CCDC171: variants seen among roughly 807,000 people sequenced by gnomAD.
CCDC171 encodes coiled-coil domain containing 171.
In CCDC171, 177 loss-of-function variants were observed where a neutral mutation model predicts 168.2. The observed-to-expected ratio is 1.05, with a 90% CI of 0.93 to 1.19. CCDC171 has a LOEUF of 1.19. Among genes scored for constraint, CCDC171 ranks in the 50% most tolerant of loss-of-function variants. The pLI, the probability that CCDC171 is intolerant of heterozygous loss-of-function variation, is 0.00. For missense variants in CCDC171, 1,991 were observed against 1,539.0 expected, an observed-to-expected ratio of 1.29 and a Z score of -4.91; for synonymous variants, 687 against 540.8, an observed-to-expected ratio of 1.27 and a Z score of -3.75.
At chr9:15,648,352 C>G (rs1423607388) in intron 7 of CCDC171, among the ~76,000 whole-genome samples, 1 of 152,186 alleles carries the variant, frequency 6.6e-6, no homozygotes, top group Non-Finnish European at 1.5e-5. Flanking sequence ...CAGGGATGCC[C>G]TCTCTCACCA....
chr9:15,810,592 G>C (rs1366427979), intron 21 of CCDC171, among the ~76,000 whole-genome samples: 2 of 152,298 alleles, frequency 1.3e-5, no homozygotes, highest in South Asian at 4.1e-4. Context: ...GCACGGTGCG[G>C]GCGGGCCGGC....
intron 6 of CCDC171, among the ~76,000 whole-genome samples, chr9:15,620,408 G>A (rs1226855774): frequency 1.3e-5 from 2 of 152,098 alleles, no homozygotes; most frequent in South Asian, 4.2e-4. Flanking sequence ...TTGGGGGTGG[G>A]GGCAGGTTTA....
intron 6 of CCDC171, among the ~76,000 whole-genome samples, chr9:15,605,326 G>C (rs2043139228): frequency 6.6e-6 from 1 of 151,788 alleles, no homozygotes; most frequent in South Asian, 2.1e-4. Context: ...CTATGTACTG[G>C]TATCCTATTA....
chr9:15,802,204 CTTTA>C lies in CCDC171; in HGVS notation c.3267+17526_3267+17529del, dbSNP rs986147980. Among the ~76,000 whole-genome samples the C allele has an allele frequency of 1.3e-4, 20 of 151,460 alleles. No homozygotes were observed. In the East Asian group the frequency reaches 3.9e-3, roughly 29 times the overall value. ...TTTTTCCTACTGAGGGTTTATTGAG[CTTTA>C]TTTATTTATTTATTTTTAAATTTAT... is the stretch of plus-strand genomic sequence containing the variant. On this transcript the variant is annotated intron_variant, in intron 21 of 25. Transcript: ENST00000380701.
Position 15,744,259 on chromosome 9 carries a change from G to A in CCDC171, c.2050-14G>A, listed in dbSNP as rs762342134. 1 of 1,553,000 alleles carries A rather than the reference G, an allele frequency of 6.4e-7. No homozygotes were observed. The highest frequency in any genetic ancestry group is 1.4e-5 in the African/African-American group (1 of 72,308). ...TGTTTCATGATCAAATATATTTTTT[G>A]ACTTCTTCCATAGAAATTTCAAGAA... On this transcript the variant is annotated splice_polypyrimidine_tract_variant and intron_variant, in intron 16 of 25. Coordinates refer to ENST00000380701, the MANE Select transcript of CCDC171 (RefSeq NM_173550.4).
At chr9:15,851,204 C>T (rs528116906) in intron 23 of CCDC171, among the ~76,000 whole-genome samples, 144 of 151,964 alleles carry the variant, frequency 9.5e-4, no homozygotes, top group African/African-American at 3.4e-3. Context: ...TTCAACTTTT[C>T]AAATACTACA....
intron 1 of CCDC171, among the ~76,000 whole-genome samples, chr9:16,054,481 C>G (rs999208386): frequency 6.6e-6 from 1 of 151,968 alleles, no homozygotes; most frequent in Non-Finnish European, 1.5e-5. Context: ...ATAGCGAGTC[C>G]CATAAGCACC....
intron 6 of CCDC171, among the ~76,000 whole-genome samples, chr9:15,602,139 C>T (rs1260150500): frequency 6.6e-6 from 1 of 152,062 alleles, no homozygotes; most frequent in Non-Finnish European, 1.5e-5. Context: ...AACTCTGTTT[C>T]TCAATTTCTT....
intron 7 of CCDC171, among the ~76,000 whole-genome samples, chr9:15,630,179 A>G (rs1426462727): frequency 1.3e-5 from 2 of 152,216 alleles, no homozygotes; most frequent in East Asian, 3.9e-4. Flanking sequence ...ACATAACAAT[A>G]TTAACTTTAA....
chr9:15,609,178 C>T (rs1464907915), intron 6 of CCDC171, among the ~76,000 whole-genome samples: 1 of 151,668 alleles, frequency 6.6e-6, no homozygotes, highest in African/African-American at 2.4e-5. Flanking sequence ...TGGCTCACTG[C>T]AACCTCCGCC....
chr9:15,969,617 A>G (rs1831149176), intron 25 of CCDC171, among the ~76,000 whole-genome samples: 1 of 152,198 alleles, frequency 6.6e-6, no homozygotes. Flanking sequence ...AGATGTATCA[A>G]AACAAACTTT....
chr9:15,959,052 CAG>C (rs541335184), intron 25 of CCDC171, among the ~76,000 whole-genome samples: 9 of 152,120 alleles, frequency 5.9e-5, no homozygotes, highest in South Asian at 2.1e-4. Flanking sequence ...AAGTTTGAAA[CAG>C]GGGGCTTGGA....
At chr9:15,743,332 A>G (rs2055026633) in intron 16 of CCDC171, among the ~76,000 whole-genome samples, 1 of 150,904 alleles carries the variant, frequency 6.6e-6, no homozygotes, top group South Asian at 2.1e-4. Context: ...TTCCTGTCTT[A>G]ATTTTTTTTA....
intron 7 of CCDC171, among the ~76,000 whole-genome samples, chr9:15,656,397 G>T (rs192496567): frequency 1.8e-4 from 28 of 151,594 alleles, no homozygotes; most frequent in Non-Finnish European, 3.2e-4. Flanking sequence ...TTACCCCAGA[G>T]AAATGAAAGT....
chr9:15,877,899 C>T lies in CCDC171; in HGVS notation c.3600+3236C>T, dbSNP rs1427223084. On this transcript the variant is annotated intron_variant, in intron 24 of 25. Transcript: ENST00000380701. ...GGCATCCAGTAAATATTTGTGTTTT[C>T]ATTTCGATTCAGTAGTAAACAATAA... Among the ~76,000 whole-genome samples, 4 of 152,146 alleles carry T rather than the reference C, an allele frequency of 2.6e-5. No homozygotes were observed. The East Asian group carries it at 7.7e-4, about 29-fold the overall frequency.
intron 7 of CCDC171, among the ~76,000 whole-genome samples, chr9:15,633,363 G>T (rs967440445): frequency 6.6e-6 from 1 of 152,058 alleles, no homozygotes; most frequent in African/African-American, 2.4e-5. Flanking sequence ...CGGGGCAAAG[G>T]ACATGAACAG....
At chr9:15,986,241 G>A (rs943979552) in intron 3 of CCDC171, among the ~76,000 whole-genome samples, 4 of 152,210 alleles carry the variant, frequency 2.6e-5, no homozygotes, top group African/African-American at 4.8e-5. Flanking sequence ...TGACCAATAT[G>A]TATTACGTTG....
chr9:15,629,730 T>G (rs1430591518), intron 7 of CCDC171, among the ~76,000 whole-genome samples: 1 of 152,132 alleles, frequency 6.6e-6, no homozygotes, highest in Non-Finnish European at 1.5e-5. Context: ...AATTGTCAGA[T>G]TCACCAAAGT....
the CCDC171 span, among the ~76,000 whole-genome samples, chr9:16,070,124 C>G: frequency 6.6e-6 from 1 of 152,110 alleles, no homozygotes; most frequent in African/African-American, 2.4e-5. Context: ...CTCCAATGAG[C>G]TGAAGCGGCC....
Sources: allele counts gnomAD v4.1 joint callset (sites outside exome capture counted in the v4.1 genomes callset), GRCh38; gene constraint gnomAD v4.1.1; transcripts MANE v1.5; gene names NCBI Gene and HGNC (gene_info 2026-07-23, HGNC 2026-07-21).